Variants in SH3GLB2 observed in about 807,000 individuals in gnomAD.
The protein encoded by SH3GLB2 is endophilin-B2.
Under a neutral mutation model 48.0 loss-of-function variants are expected in SH3GLB2, and 24 were observed. The observed-to-expected ratio is 0.50, with a 90% CI of 0.36 to 0.70. SH3GLB2 has a LOEUF of 0.70. Ranked by LOEUF, SH3GLB2 falls within the 30% of genes least tolerant of loss-of-function variation. SH3GLB2 has a pLI of 0.00. For missense variants in SH3GLB2, 425 were observed against 516.0 expected (o/e 0.82, Z 1.71); for synonymous variants, 227 against 207.6 (o/e 1.09, Z -0.80).
intron 2 of SH3GLB2, 53 bp downstream of exon 2, chr9:129,022,229 G>A (rs1428762034): frequency 6.3e-7 from 1 of 1,599,874 alleles, no homozygotes; most frequent in Non-Finnish European, 8.5e-7. Context: ...GCCTCCTACT[G>A]TATCCCTGCC....
intron 10 of SH3GLB2, 76 bp from the exon 11 acceptor site, chr9:129,008,867 G>T: frequency 7.1e-7 from 1 of 1,418,320 alleles, no homozygotes; most frequent in East Asian, 2.3e-5. Flanking sequence ...TGGGGACAGA[G>T]CTGCCACCTC....
chr9:129,014,226 G>A lies in SH3GLB2; in HGVS notation c.561+185C>T, dbSNP rs763029172. ...GATATCTCCCTGGGAACCAGAGCTC[G>A]GGGGCCACCAAGGCTCCCTTGAGGG... On this transcript the variant is annotated intron_variant, in intron 5 of 10. Coordinates refer to ENST00000372564, the MANE Select transcript of SH3GLB2 (RefSeq NM_020145.4). The surrounding 1 kb of genome is among the most constrained non-coding windows in gnomAD (Gnocchi z 4.1). 2.6e-4 allele frequency among the ~76,000 whole-genome samples: 40 copies of A among 152,236 alleles called. No individual in the cohort carries two copies. The highest frequency in any genetic ancestry group is 4.9e-4 in the Non-Finnish European group (33 of 67,980).
chr9:129,016,991 A>AG (rs2131267005), intron 3 of SH3GLB2, among the ~76,000 whole-genome samples: 1 of 129,052 alleles, frequency 7.7e-6, no homozygotes, highest in East Asian at 2.3e-4. Flanking sequence ...TCTGTCTCCC[A>AG]GGCTGGAGTG....
chr9:129,010,921 G>A (rs1465430645), intron 6 of SH3GLB2: 5 of 592,156 alleles, frequency 8.4e-6, no homozygotes, highest in Non-Finnish European at 1.5e-5. Flanking sequence ...CAGCCAGCAG[G>A]AGTCCTGCTT....
chr9:129,014,264 G>C lies in SH3GLB2; in HGVS notation c.561+147C>G. 1 of 741,910 alleles carries C rather than the reference G, an allele frequency of 1.3e-6. No individual in the cohort carries two copies. Among genetic ancestry groups the C allele is most frequent in the South Asian group, 1.7e-5 (1 of 58,862 alleles). 46.0% of individuals were successfully genotyped at this position (741,910 alleles called of 1,614,324 possible). A position where few individuals can be genotyped will look rare whatever the true frequency, so the allele number is the denominator to read the frequency against. On this transcript the variant is annotated intron_variant, in intron 5 of 10. Coordinates refer to ENST00000372564, the MANE Select transcript of SH3GLB2 (RefSeq NM_020145.4). The surrounding 1 kb of genome is among the most constrained non-coding windows in gnomAD (Gnocchi z 4.1). ...GCTCCCTTGAGGGCAGGGACAGAGA[G>C]GCTCAGCCCAGCAGCCCCCAGCCAG...
intron 2 of SH3GLB2, among the ~76,000 whole-genome samples, 192 bp from the exon 3 acceptor site, chr9:129,021,411 C>T (rs1409068641): frequency 6.6e-6 from 1 of 152,144 alleles, no homozygotes. Flanking sequence ...AAGCCAGGGC[C>T]CGTCCACTTC....
intron 1 of SH3GLB2, among the ~76,000 whole-genome samples, chr9:129,026,105 A>T (rs1844146755): frequency 6.6e-6 from 1 of 151,904 alleles, no homozygotes; most frequent in African/African-American, 2.4e-5. Flanking sequence ...CTACTTTCTG[A>T]GCACAGTTCA....
At chr9:129,026,801 G>A (rs1051269177) in intron 1 of SH3GLB2, among the ~76,000 whole-genome samples, 1 of 152,224 alleles carries the variant, frequency 6.6e-6, no homozygotes, top group Admixed American at 6.5e-5. Flanking sequence ...GACTGGGGCC[G>A]TCCAATCCGA....
Position 129,021,073 on chromosome 9 carries a change from G to A in SH3GLB2, c.334+18C>T. 7.0e-6 allele frequency: 11 copies of A among 1,571,906 alleles called. No homozygotes were observed. Among genetic ancestry groups the A allele is most frequent in the Non-Finnish European group, 9.5e-6 (11 of 1,158,476 alleles). On this transcript the variant is annotated intron_variant, in intron 3 of 10. Transcript: ENST00000372564. Reference sequence around the variant, plus strand: ...TAAAGACCATGACCCCTAGTCCCTGGCTGTGAGGCCTGCTCACCATAGGGG... The same window carrying A: ...TAAAGACCATGACCCCTAGTCCCTGACTGTGAGGCCTGCTCACCATAGGGG...
In SH3GLB2 at chr9:129,012,244, C is replaced by A; in HGVS notation, c.616G>T (p.Ala206Ser). ...GGGTGGGGTGCGCTTACCGCGGAGGCGCTGGCCGAGAGAATGTAATTACGA... is the reference window on the plus strand; with the variant it reads ...GGGTGGGGTGCGCTTACCGCGGAGGAGCTGGCCGAGAGAATGTAATTACGA... ...RPRNYILSASASALWNDEVDK... is the reference protein window; with the variant it reads ...RPRNYILSASSSALWNDEVDK... Residue 206 changes from alanine to serine, a missense_variant, in exon 6 of 11, where the codon GCC becomes TCC. Ala to Ser is a moderately conservative substitution (Grantham distance 99, BLOSUM62 1). Transcript: ENST00000372564. The A allele has an allele frequency of 7.7e-7, 1 of 1,293,676 alleles. No homozygotes were observed. The allele number at this position is 1,293,676 out of a possible 1,614,324, so 80.1% of individuals were successfully genotyped here.
intron 1 of SH3GLB2, 132 bp downstream of exon 1, chr9:129,027,960 G>C: frequency 1.2e-6 from 1 of 819,724 alleles, no homozygotes; most frequent in Non-Finnish European, 1.7e-6. Context: ...CAGGGGGGCA[G>C]AGGTGTGCCG....
Position 129,028,082 on chromosome 9 carries a change from C to A in SH3GLB2, c.63+10G>T. The A allele has an allele frequency of 6.7e-7, 1 of 1,502,354 alleles. No homozygotes were observed. Among genetic ancestry groups the A allele is most frequent in the Non-Finnish European group, 8.9e-7 (1 of 1,129,310 alleles). 93.1% of individuals were successfully genotyped at this position (1,502,354 alleles called of 1,614,324 possible). On this transcript the variant is annotated intron_variant, in intron 1 of 10. Transcript: ENST00000372564. ...GGGCCCCCGGCGCACGGCGCGACGC[C>A]AGGCCTCACCTGCACCGCCCGGGTG...
chr9:129,010,417 G>T, intron 7 of SH3GLB2: 1 of 639,292 alleles, frequency 1.6e-6, no homozygotes. Flanking sequence ...TGCAGTGACA[G>T]ACCCTTCCTC....
intron 2 of SH3GLB2, 54 bp from the exon 3 acceptor site, chr9:129,021,273 T>TGAAACA (rs1242991031): frequency 6.5e-7 from 1 of 1,535,782 alleles, no homozygotes; most frequent in Non-Finnish European, 8.8e-7. Flanking sequence ...AGCCCAAAAA[T>TGAAACA]GAAACAGAAA....
In SH3GLB2 at chr9:129,014,194, C is replaced by T. The variant is rs1843290267; in HGVS notation, c.561+217G>A. The stretch of plus-strand genomic sequence containing the variant: ...GCTGGGGGCACTGCTGGTCCGCCCA[C>T]ACCGTAGATATCTCCCTGGGAACCA... On this transcript the variant is annotated intron_variant, in intron 5 of 10. Coordinates refer to ENST00000372564, the MANE Select transcript of SH3GLB2 (RefSeq NM_020145.4). The surrounding 1 kb of genome is among the most constrained non-coding windows in gnomAD (Gnocchi z 4.1). Among the ~76,000 whole-genome samples the T allele has an allele frequency of 6.6e-6, 1 of 152,062 alleles. No individual in the cohort carries two copies. Among genetic ancestry groups the T allele is most frequent in the African/African-American group, 2.4e-5 (1 of 41,412 alleles).
At chr9:129,024,996 C>T (rs1041625618) in intron 1 of SH3GLB2, among the ~76,000 whole-genome samples, 1 of 151,306 alleles carries the variant, frequency 6.6e-6, no homozygotes, top group African/African-American at 2.4e-5. Flanking sequence ...AGCAAGGAAG[C>T]CAGGCATGGT....
At chr9:129,019,014 T>C (rs1365247956) in intron 3 of SH3GLB2, among the ~76,000 whole-genome samples, 1 of 151,810 alleles carries the variant, frequency 6.6e-6, no homozygotes, top group Non-Finnish European at 1.5e-5. Flanking sequence ...AACACGTTAG[T>C]GGTTGGCTGG....
chr9:129,017,437 A>C (rs1843495656), intron 3 of SH3GLB2, among the ~76,000 whole-genome samples: 1 of 152,170 alleles, frequency 6.6e-6, no homozygotes, highest in Non-Finnish European at 1.5e-5. Context: ...AGGTCATGAA[A>C]CAAGTCTCAA....
At chr9:129,018,774 T>TC (rs1234329794) in intron 3 of SH3GLB2, among the ~76,000 whole-genome samples, 7 of 147,958 alleles carry the variant, frequency 4.7e-5, no homozygotes, top group South Asian at 4.3e-4. Context: ...GCGCCTGTAG[T>TC]CCAGCTACTC....
Sources: allele counts gnomAD v4.1 joint callset (sites outside exome capture counted in the v4.1 genomes callset), GRCh38; gene constraint gnomAD v4.1.1; non-coding constraint Gnocchi (gnomAD v3.1); transcripts MANE v1.5; gene names NCBI Gene and HGNC (gene_info 2026-07-23, HGNC 2026-07-21).